Variants in VOPP1 observed in about 807,000 individuals in gnomAD.
VOPP1 encodes the protein WW domain binding protein VOPP1.
In VOPP1, 8 loss-of-function variants were observed where a neutral mutation model predicts 23.5. The ratio of observed to expected loss-of-function variants is 0.34; its 90% CI spans 0.20 to 0.61. The LOEUF (loss-of-function observed/expected upper bound fraction) is 0.61. VOPP1 is among the 20% of genes least tolerant of loss of function. The pLI is 0.78. For synonymous variants in VOPP1, 83 were observed against 97.3 expected (o/e 0.85, Z 0.86); for missense variants, 174 against 238.1 (o/e 0.73, Z 1.77).
intron 2 of VOPP1, among the ~76,000 whole-genome samples, chr7:55,504,980 T>C (rs1426764314): frequency 6.6e-6 from 1 of 152,254 alleles, no homozygotes; most frequent in Non-Finnish European, 1.5e-5. Context: ...CAGTACAGTC[T>C]GGGACCCAAA....
intron 4 of VOPP1, among the ~76,000 whole-genome samples, chr7:55,477,929 C>A (rs1446380816): frequency 6.6e-6 from 1 of 152,186 alleles, no homozygotes; most frequent in Non-Finnish European, 1.5e-5. Context: ...GGCAGCGCGG[C>A]CGCGGAAGCA....
chr7:55,499,862 G>A (rs1211184990), intron 2 of VOPP1, among the ~76,000 whole-genome samples: 2 of 152,108 alleles, frequency 1.3e-5, no homozygotes, highest in Non-Finnish European at 2.9e-5. Flanking sequence ...GCAGGCCAGC[G>A]CCCTGCACAA....
At chr7:55,461,270 C>CA (rs1199973172) in intron 4 of VOPP1, among the ~76,000 whole-genome samples, 3 of 152,014 alleles carry the variant, frequency 2.0e-5, no homozygotes, top group African/African-American at 7.2e-5. Flanking sequence ...TAAAAGACTA[C>CA]AAATAGGGTG....
chr7:55,516,160 A>C (rs1686290210), intron 2 of VOPP1: 2 of 271,226 alleles, frequency 7.4e-6, no homozygotes, highest in Non-Finnish European at 1.1e-5. Context: ...AAGCACAGAA[A>C]GGCACATTTT....
chr7:55,502,195 T>C (rs550715843), intron 2 of VOPP1, among the ~76,000 whole-genome samples: 1 of 152,350 alleles, frequency 6.6e-6, no homozygotes, highest in South Asian at 2.1e-4. Context: ...CAGACATATG[T>C]AGAGCCCTCG....
At chr7:55,513,022 G>A (rs1795182520) in intron 2 of VOPP1, among the ~76,000 whole-genome samples, 1 of 152,234 alleles carries the variant, frequency 6.6e-6, no homozygotes, top group Admixed American at 6.5e-5. Flanking sequence ...ATTATTCACA[G>A]CAGAGAAATG....
At chr7:55,532,096 C>T (rs756603989) in intron 1 of VOPP1, among the ~76,000 whole-genome samples, 81 of 152,140 alleles carry the variant, frequency 5.3e-4, no homozygotes, top group Non-Finnish European at 1.1e-3. Context: ...TCTCTGATGA[C>T]ATATATTTCT....
chr7:55,491,757 A>G (rs558659489), intron 4 of VOPP1, among the ~76,000 whole-genome samples: 1 of 152,338 alleles, frequency 6.6e-6, no homozygotes, highest in South Asian at 2.1e-4. Flanking sequence ...TGACCTGTAC[A>G]AGAATGTCTA....
intron 2 of VOPP1, among the ~76,000 whole-genome samples, chr7:55,504,104 C>T (rs140966551): frequency 1.1e-4 from 16 of 152,300 alleles, no homozygotes; most frequent in African/African-American, 3.6e-4. Flanking sequence ...GATTAACCCT[C>T]AGCAAACCTT....
chr7:55,469,716 A>T (rs1182800315), downstream of VOPP1, among the ~76,000 whole-genome samples: 3 of 152,168 alleles, frequency 2.0e-5, no homozygotes, highest in Non-Finnish European at 4.4e-5. Context: ...AAGGAAAAGA[A>T]CTGTATGGCC....
intron 4 of VOPP1, among the ~76,000 whole-genome samples, chr7:55,479,005 G>A (rs577137018): frequency 6.6e-6 from 1 of 152,274 alleles, no homozygotes; most frequent in South Asian, 2.1e-4. Flanking sequence ...GGATGCTGCT[G>A]AGCCATGCAG....
downstream of VOPP1, among the ~76,000 whole-genome samples, chr7:55,468,273 A>AG (rs1791683205): frequency 1.4e-5 from 2 of 148,142 alleles, no homozygotes; most frequent in Non-Finnish European, 3.0e-5. Flanking sequence ...TCGTCTCAGA[A>AG]AAAAAAAAAA....
intron 4 of VOPP1, among the ~76,000 whole-genome samples, chr7:55,437,296 TA>T (rs1790856298): frequency 6.6e-6 from 1 of 152,166 alleles, no homozygotes; most frequent in Non-Finnish European, 1.5e-5. Flanking sequence ...GCATCTGCAG[TA>T]CCTGCTCCCT....
At chr7:55,522,449 C>G (rs1280906990) in intron 1 of VOPP1, among the ~76,000 whole-genome samples, 1 of 152,198 alleles carries the variant, frequency 6.6e-6, no homozygotes, top group Non-Finnish European at 1.5e-5. Context: ...GAAGCTCAGA[C>G]AGCTGACGAA....
At chr7:55,554,451 C>G (rs1461444541) in intron 1 of VOPP1, among the ~76,000 whole-genome samples, 2 of 152,138 alleles carry the variant, frequency 1.3e-5, no homozygotes, top group Non-Finnish European at 2.9e-5. Context: ...CTCACATGGG[C>G]AGAATGGAGA....
intron 2 of VOPP1, among the ~76,000 whole-genome samples, chr7:55,512,705 G>A (rs1049861672): frequency 3.3e-5 from 5 of 152,188 alleles, no homozygotes; most frequent in Admixed American, 6.5e-5. Context: ...CTAGGGAAGC[G>A]CCCCCGCCCC....
At chr7:55,559,249 C>A (rs1214188874) in intron 1 of VOPP1, among the ~76,000 whole-genome samples, 1 of 152,198 alleles carries the variant, frequency 6.6e-6, no homozygotes, top group African/African-American at 2.4e-5. Context: ...AATAAATCCA[C>A]TTCCACTCTT....
At chr7:55,456,662 A>G (rs1791374563) in intron 4 of VOPP1, among the ~76,000 whole-genome samples, 1 of 152,224 alleles carries the variant, frequency 6.6e-6, no homozygotes, top group South Asian at 2.1e-4. Context: ...ACTTGGATGA[A>G]GCTGGAAACC....
chr7:55,491,695 A>AT (rs1411040354), intron 4 of VOPP1, among the ~76,000 whole-genome samples: 1 of 152,242 alleles, frequency 6.6e-6, no homozygotes, highest in Non-Finnish European at 1.5e-5. Context: ...CAGCTAATTC[A>AT]TTTTGACCCT....
Sources: allele counts gnomAD v4.1 joint callset (sites outside exome capture counted in the v4.1 genomes callset), GRCh38; gene constraint gnomAD v4.1.1; transcripts MANE v1.5; gene names NCBI Gene and HGNC (gene_info 2026-07-23, HGNC 2026-07-21).